SESTD1: variants seen among roughly 807,000 people sequenced by gnomAD.
SESTD1 encodes SEC14 and spectrin domain containing 1.
SESTD1 carries 43 observed loss-of-function variants against 101.7 expected under a neutral mutation model. The observed-to-expected ratio is 0.42, with a 90% CI of 0.33 to 0.55. SESTD1 has a LOEUF of 0.55. SESTD1 is among the 20% of genes least tolerant of loss of function. SESTD1 has a pLI of 0.07. For missense variants in SESTD1, 647 were observed against 815.1 expected, an observed-to-expected ratio of 0.79 and a Z score of 2.51; for synonymous variants, 283 against 286.8, an observed-to-expected ratio of 0.99 and a Z score of 0.13.
Position 179,149,413 on chromosome 2 carries a change from T to C in SESTD1, c.484-19A>G. On this transcript the variant is annotated intron_variant, in intron 6 of 17. Transcript: ENST00000428443. The stretch of plus-strand genomic sequence containing the variant: ...CAAAAACCTACAATATGAGTTTTAT[T>C]AACATACTAAGAACAGTCTTAAAAA... 6.7e-7 allele frequency: 1 copy of C among 1,488,422 alleles called. No individual in the cohort carries two copies. The highest frequency in any genetic ancestry group is 9.3e-7 in the Non-Finnish European group (1 of 1,079,400). 92.2% of individuals were successfully genotyped at this position (1,488,422 alleles called of 1,614,324 possible).
At chr2:179,110,698 C>G (rs1407584038) in intron 17 of SESTD1, among the ~76,000 whole-genome samples, 1 of 151,978 alleles carries the variant, frequency 6.6e-6, no homozygotes, top group African/African-American at 2.4e-5. Context: ...TTTTATTTTA[C>G]CAGGAGAAGG....
At chr2:179,118,454 T>G (rs898399563) in intron 13 of SESTD1, among the ~76,000 whole-genome samples, 1 of 152,190 alleles carries the variant, frequency 6.6e-6, no homozygotes, top group Admixed American at 6.5e-5. Context: ...CACTGCAGTC[T>G]CAAATACCGA....
intron 1 of SESTD1, among the ~76,000 whole-genome samples, chr2:179,195,859 A>G (rs1475496542): frequency 6.6e-6 from 1 of 152,152 alleles, no homozygotes; most frequent in Non-Finnish European, 1.5e-5. Context: ...TAAAAAAAAA[A>G]AAAGACTTCG....
At chr2:179,172,436 T>A (rs1299562650) in intron 4 of SESTD1, among the ~76,000 whole-genome samples, 2 of 152,178 alleles carry the variant, frequency 1.3e-5, no homozygotes, top group African/African-American at 2.4e-5. Flanking sequence ...CAGAAAATAC[T>A]TCAAATAAAA....
At chr2:179,121,996 C>A in intron 12 of SESTD1, 67 bp from the exon 13 acceptor site, 1 of 1,474,960 alleles carries the variant, frequency 6.8e-7, no homozygotes, top group South Asian at 1.4e-5. Flanking sequence ...TCAAACAAAT[C>A]GTCTCATCAG....
At chr2:179,253,718 T>G (rs2105557326) in intron 1 of SESTD1, among the ~76,000 whole-genome samples, 1 of 152,198 alleles carries the variant, frequency 6.6e-6, no homozygotes, top group East Asian at 1.9e-4. Context: ...TACATAAGAA[T>G]CTGATGACAC....
intron 4 of SESTD1, among the ~76,000 whole-genome samples, chr2:179,173,093 C>A (rs2045953724): frequency 6.6e-6 from 1 of 152,220 alleles, no homozygotes; most frequent in Non-Finnish European, 1.5e-5. Context: ...CAACAGCTCG[C>A]TGCTCCTGCA....
chr2:179,256,888 G>A (rs949120347), intron 1 of SESTD1, among the ~76,000 whole-genome samples: 1 of 151,706 alleles, frequency 6.6e-6, no homozygotes, highest in Non-Finnish European at 1.5e-5. Flanking sequence ...TCTTGAGATG[G>A]AATCTACTCC....
At chr2:179,211,043 A>G (rs1158686312) in intron 1 of SESTD1, among the ~76,000 whole-genome samples, 1 of 132,676 alleles carries the variant, frequency 7.5e-6, no homozygotes, top group African/African-American at 3.0e-5. Context: ...GCTGAGAATC[A>G]AATCAAGAAC....
In SESTD1 at chr2:179,243,936, A is replaced by ATATG. The variant is rs1553532590; in HGVS notation, c.-26+20562_-26+20563insCATA. 3.5e-5 allele frequency among the ~76,000 whole-genome samples: 5 copies of ATATG among 143,824 alleles called. No homozygotes were observed. In the South Asian group the frequency reaches 8.7e-4, roughly 25 times the overall value. 94.4% of individuals were successfully genotyped at this position (143,824 alleles called of 152,430 possible). On this transcript the variant is annotated intron_variant, in intron 1 of 17. Coordinates refer to ENST00000428443, the MANE Select transcript of SESTD1 (RefSeq NM_178123.5). The stretch of plus-strand genomic sequence containing the variant: ...TTTAAATTATTAAAAATATATATAT[A>ATATG]TGTGTGTGTATATATATATATATAT...
chr2:179,133,022 T>A lies in SESTD1; in HGVS notation c.850-596A>T, dbSNP rs1575432182. Among the ~76,000 whole-genome samples the A allele has an allele frequency of 2.0e-5, 3 of 152,322 alleles. No homozygotes were observed. In the South Asian group the frequency reaches 6.2e-4, roughly 32 times the overall value. ...AAAACTAATTAGAATTATGCTAATG[T>A]AATAAATACCCTCTTGGACTCTTCT... On this transcript the variant is annotated intron_variant, in intron 9 of 17. Transcript: ENST00000428443.
At chr2:179,112,941 A>G in intron 16 of SESTD1, 96 bp from the exon 17 acceptor site, 2 of 1,434,954 alleles carry the variant, frequency 1.4e-6, no homozygotes, top group African/African-American at 2.9e-5. Flanking sequence ...GAGAGAAAAG[A>G]AAGACACAGA....
At chr2:179,177,131 C>T (rs1362980144) in intron 3 of SESTD1, among the ~76,000 whole-genome samples, 1 of 152,162 alleles carries the variant, frequency 6.6e-6, no homozygotes, top group Non-Finnish European at 1.5e-5. Context: ...TTGTCAGTCA[C>T]AGGACCAGCA....
chr2:179,255,974 T>C lies in SESTD1; in HGVS notation c.-26+8525A>G, dbSNP rs559722789. On this transcript the variant is annotated intron_variant, in intron 1 of 17. Coordinates refer to ENST00000428443, the MANE Select transcript of SESTD1 (RefSeq NM_178123.5). ...GATAACAGCATATGTGCTTACAGCA[T>C]GGTTTACTGAATCTTTTAAGCCTAC... Among the ~76,000 whole-genome samples, 29 of 152,150 alleles carry C rather than the reference T, an allele frequency of 1.9e-4. 1 individual carries two copies. In the South Asian group the frequency reaches 4.8e-3, roughly 25 times the overall value.
Position 179,146,458 on chromosome 2 carries a change from C to T in SESTD1, c.582-1G>A. On this transcript the variant is annotated splice_acceptor_variant, in intron 7 of 17. Transcript: ENST00000428443. LOFTEE classifies it high-confidence loss of function. ...TGGAAGAAAGTTTAAATCCACAGACCTGGAAAACACCAAAGGAGTAATTTT... is the reference window on the plus strand; with the variant it reads ...TGGAAGAAAGTTTAAATCCACAGACTTGGAAAACACCAAAGGAGTAATTTT... The T allele has an allele frequency of 6.2e-7, 1 of 1,611,736 alleles. No individual in the cohort carries two copies. The highest frequency in any genetic ancestry group is 8.5e-7 in the Non-Finnish European group (1 of 1,179,010).
At chr2:179,247,809 A>C (rs1174010469) in intron 1 of SESTD1, among the ~76,000 whole-genome samples, 2 of 152,084 alleles carry the variant, frequency 1.3e-5, no homozygotes, top group Non-Finnish European at 2.9e-5. Flanking sequence ...TGTACAGCAG[A>C]TACAGGAATA....
intron 1 of SESTD1, among the ~76,000 whole-genome samples, chr2:179,258,453 T>C (rs1574073763): frequency 6.6e-6 from 1 of 152,160 alleles, no homozygotes; most frequent in East Asian, 1.9e-4. Flanking sequence ...GCTCTGGCAA[T>C]ACCCACTAAA....
chr2:179,247,969 T>C (rs1445526309), intron 1 of SESTD1, among the ~76,000 whole-genome samples: 1 of 151,834 alleles, frequency 6.6e-6, no homozygotes, highest in Non-Finnish European at 1.5e-5. Flanking sequence ...TAGCACTAAA[T>C]GCATACATTA....
At chr2:179,119,125 A>G (rs1217589358) in intron 13 of SESTD1, among the ~76,000 whole-genome samples, 2 of 152,238 alleles carry the variant, frequency 1.3e-5, no homozygotes, top group Non-Finnish European at 1.5e-5. Context: ...ACTCCATCTG[A>G]GCAAACAGGA....
Sources: gnomAD v4.1 joint callset for allele counts (sites outside exome capture counted in the v4.1 genomes callset) on GRCh38, gnomAD v4.1.1 for gene constraint, MANE v1.5 for transcripts, NCBI Gene and HGNC (gene_info 2026-07-23, HGNC 2026-07-21) for gene names.